TIAM2: variants seen among roughly 807,000 people sequenced by gnomAD.
TIAM2 encodes TIAM Rac1 associated GEF 2.
In TIAM2, 80 loss-of-function variants were observed where a neutral mutation model predicts 152.9. The ratio of observed to expected loss-of-function variants is 0.52; its 90% CI spans 0.44 to 0.63. The LOEUF (loss-of-function observed/expected upper bound fraction) is 0.63. Among genes scored for constraint, TIAM2 ranks in the 30% least tolerant of loss-of-function variants. TIAM2 has a pLI of 0.00. For missense variants in TIAM2, 1,965 were observed against 2,120.1 expected (o/e 0.93, Z 1.44); for synonymous variants, 804 against 838.0 (o/e 0.96, Z 0.70).
Position 155,214,664 on chromosome 6 carries a change from C to T in TIAM2, c.3168+3357C>T, listed in dbSNP as rs1781809368. Among the ~76,000 whole-genome samples, 1 of 152,192 alleles carries T rather than the reference C, an allele frequency of 6.6e-6. No homozygotes were observed. The highest frequency in any genetic ancestry group is 1.5e-5 in the Non-Finnish European group (1 of 68,030). On this transcript the variant is annotated intron_variant, in intron 15 of 26. Coordinates refer to ENST00000682666, the MANE Select transcript of TIAM2 (RefSeq NM_012454.4). This position sits in a 1 kb window ranked among gnomAD's most constrained non-coding sequence, Gnocchi z 5.4. ...TTCATCAGCATTTTTAGTCCTTCTA[C>T]TTTGTTCTATCTCTAGTGGGTTATT...
Position 155,042,140 on chromosome 6 carries a change from C to T in TIAM2, c.-209+46648C>T, listed in dbSNP as rs186957386. Among the ~76,000 whole-genome samples the T allele has an allele frequency of 9.9e-5, 15 of 151,968 alleles. No homozygotes were observed. The East Asian group carries it at 1.7e-3, about 18-fold the overall frequency. ...TGTAGGGGTTGTGGACTGTTGCACCCGGTCCCTTTCAGGCGGCTGCCTCAG... is the reference window on the plus strand; with the variant it reads ...TGTAGGGGTTGTGGACTGTTGCACCTGGTCCCTTTCAGGCGGCTGCCTCAG... On this transcript the variant is annotated intron_variant, in intron 1 of 26. Coordinates refer to ENST00000682666, the MANE Select transcript of TIAM2 (RefSeq NM_012454.4).
chr6:155,063,288 G>C (rs182266960), intron 1 of TIAM2, among the ~76,000 whole-genome samples: 5 of 152,286 alleles, frequency 3.3e-5, no homozygotes, highest in Admixed American at 6.5e-5. Flanking sequence ...CTAAAAAGCA[G>C]TGTTTTAGCA....
chr6:155,234,003 T>TTGG (rs1562364586), intron 15 of TIAM2, among the ~76,000 whole-genome samples: 1 of 147,258 alleles, frequency 6.8e-6, no homozygotes. Flanking sequence ...AAATTTTTTT[T>TTGG]GGGGGGGGGT....
intron 1 of TIAM2, among the ~76,000 whole-genome samples, chr6:155,078,856 T>C (rs1290275996): frequency 6.6e-6 from 1 of 152,198 alleles, no homozygotes; most frequent in Non-Finnish European, 1.5e-5. Context: ...CCGTTAGGTG[T>C]GTTTTGTTTG....
intron 2 of TIAM2, among the ~76,000 whole-genome samples, chr6:155,099,220 A>ATATGTG (rs1222226963): frequency 2.7e-5 from 4 of 148,186 alleles, no homozygotes; most frequent in Non-Finnish European, 4.5e-5. Context: ...GTATATATAT[A>ATATGTG]TGTGTGTGTG....
intron 1 of TIAM2, among the ~76,000 whole-genome samples, chr6:155,065,479 T>C (rs1777673087): frequency 6.6e-6 from 1 of 152,074 alleles, no homozygotes; most frequent in Admixed American, 6.5e-5. Context: ...TTTCAAGTTT[T>C]AAAAAATATG....
At chr6:155,182,347 C>G (rs1466174448) in intron 13 of TIAM2, 29 bp downstream of exon 13, 5 of 1,579,042 alleles carry the variant, frequency 3.2e-6, no homozygotes, top group Non-Finnish European at 4.4e-6. Flanking sequence ...GCCCCTGTTG[C>G]CTCTTAATTT....
chr6:155,167,095 TG>T lies in TIAM2; in HGVS notation c.2361+1688del, dbSNP rs199591548. On this transcript the variant is annotated intron_variant, in intron 9 of 26. Transcript: ENST00000682666. ...CTTAAAACAATAAAGTTAGAGGTGG[TG>T]GAGAGTGGGTTGGTAGATTAACAGA... 6.3e-3 allele frequency among the ~76,000 whole-genome samples: 960 copies of T among 152,266 alleles called. 12 individuals are homozygous for T. The highest frequency in any genetic ancestry group is 0.01 in the South Asian group (49 of 4,824).
At position 155,244,197 on chromosome 6, in the gene TIAM2, C is replaced by T. The variant is rs144347827; in HGVS notation, c.3417+118C>T. On this transcript the variant is annotated intron_variant, in intron 17 of 26. Transcript: ENST00000682666. ...CCCAAAAGAACATCCCAAGACTTAACGGTCTTCTGAGAGTCCCAGGCATAG... is the reference window on the plus strand; with the variant it reads ...CCCAAAAGAACATCCCAAGACTTAATGGTCTTCTGAGAGTCCCAGGCATAG... 3.5e-4 allele frequency: 350 copies of T among 1,010,120 alleles called. 1 individual carries two copies. The African/African-American group carries it at 4.5e-3, about 13-fold the overall frequency. The allele number at this position is 1,010,120 out of a possible 1,614,324, so 62.6% of individuals were successfully genotyped here.
chr6:155,165,782 C>T (rs1780417259), intron 9 of TIAM2, among the ~76,000 whole-genome samples: 1 of 151,816 alleles, frequency 6.6e-6, no homozygotes, highest in Non-Finnish European at 1.5e-5. Flanking sequence ...AGCGAGACCC[C>T]GTCTCAAAAA....
chr6:155,164,301 T>A, intron 7 of TIAM2, 114 bp from the exon 8 acceptor site: 1 of 975,720 alleles, frequency 1.0e-6, no homozygotes, highest in Non-Finnish European at 1.5e-6. Flanking sequence ...ATTTAAACCA[T>A]GCAGACCAGC....
chr6:155,150,339 G>T (rs1779924895), intron 7 of TIAM2, among the ~76,000 whole-genome samples: 1 of 152,202 alleles, frequency 6.6e-6, no homozygotes, highest in Admixed American at 6.5e-5. Flanking sequence ...GTGACAGCTG[G>T]TATAGTCATC....
At chr6:155,233,371 C>T (rs1380703149) in intron 15 of TIAM2, among the ~76,000 whole-genome samples, 3 of 152,064 alleles carry the variant, frequency 2.0e-5, no homozygotes, top group Non-Finnish European at 2.9e-5. Flanking sequence ...GCACTGAACC[C>T]AGGTTAGAAG....
intron 2 of TIAM2, among the ~76,000 whole-genome samples, chr6:155,109,069 C>T (rs1174648028): frequency 2.0e-5 from 3 of 152,066 alleles, no homozygotes; most frequent in South Asian, 2.1e-4. Context: ...CTGCAAGCTC[C>T]GCCTCCTGGG....
intron 5 of TIAM2, 87 bp downstream of exon 5, chr6:155,137,699 G>A: frequency 7.1e-7 from 1 of 1,413,630 alleles, no homozygotes; most frequent in Admixed American, 2.5e-5. Flanking sequence ...GACTAGCATT[G>A]ATTTGAGTTC....
chr6:155,146,000 AAAC>A (rs756790316), intron 6 of TIAM2, among the ~76,000 whole-genome samples: 2 of 152,228 alleles, frequency 1.3e-5, no homozygotes, highest in Non-Finnish European at 2.9e-5. Flanking sequence ...GTAAAAAAAC[AAAC>A]AACAACAACA....
chr6:155,093,240 A>G (rs1562313603), intron 2 of TIAM2, among the ~76,000 whole-genome samples: 1 of 152,212 alleles, frequency 6.6e-6, no homozygotes, highest in Non-Finnish European at 1.5e-5. Flanking sequence ...TGTGAGAATT[A>G]AATATGAAAA....
chr6:155,256,399 A>G, intron 26 of TIAM2, 85 bp from the exon 27 acceptor site: 1 of 1,572,172 alleles, frequency 6.4e-7, no homozygotes, highest in East Asian at 2.2e-5. Flanking sequence ...TCTTAATGTT[A>G]AATCTTACAC....
At chr6:155,050,935 A>G (rs1355186936) in intron 1 of TIAM2, among the ~76,000 whole-genome samples, 1 of 152,250 alleles carries the variant, frequency 6.6e-6, no homozygotes, top group South Asian at 2.1e-4. Flanking sequence ...TCTAATCACC[A>G]TAGTTGTTCT....
Sources: allele counts gnomAD v4.1 joint callset (sites outside exome capture counted in the v4.1 genomes callset), GRCh38; gene constraint gnomAD v4.1.1; non-coding constraint Gnocchi (gnomAD v3.1); transcripts MANE v1.5; gene names NCBI Gene and HGNC (gene_info 2026-07-23, HGNC 2026-07-21).